CLEC4F: variants seen among roughly 807,000 people sequenced by gnomAD.
The protein encoded by CLEC4F is C-type lectin domain family 4 member F, also known as C-type (calcium dependent, carbohydrate-recognition domain) lectin, superfamily member 13.
Under a neutral mutation model 53.4 loss-of-function variants are expected in CLEC4F, and 45 were observed. The observed-to-expected ratio is 0.84, with a 90% confidence interval of 0.66 to 1.08. The LOEUF is 1.08. CLEC4F is among the 50% of genes least tolerant of loss of function. The pLI is 0.00. For synonymous variants in CLEC4F, 245 were observed against 257.5 expected (o/e 0.95, Z 0.46); for missense variants, 753 against 698.2 (o/e 1.08, Z -0.88).
intron 5 of CLEC4F, among the ~76,000 whole-genome samples, chr2:70,812,135 A>G (rs1676601988): frequency 6.6e-6 from 1 of 152,150 alleles, no homozygotes; most frequent in Non-Finnish European, 1.5e-5. Flanking sequence ...AGAAAAACAA[A>G]TGCAAGAGAA....
chr2:70,812,665 C>G, intron 4 of CLEC4F, 67 bp from the exon 5 acceptor site: 1 of 1,552,242 alleles, frequency 6.4e-7, no homozygotes, highest in Non-Finnish European at 8.8e-7. Flanking sequence ...AGGAACTTTT[C>G]TGACCTCTCT....
chr2:70,811,037 T>C lies in CLEC4F; in HGVS notation c.1540-1180A>G, dbSNP rs10181668. The C allele has an allele frequency of 5.3e-3, 3,367 of 636,364 alleles. 93 individuals are homozygous for C. The African/African-American group carries it at 0.055, about 10-fold the overall frequency. The allele number at this position is 636,364 out of a possible 1,614,324, so 39.4% of individuals were successfully genotyped here. On this transcript the variant is annotated intron_variant, in intron 5 of 6. Transcript: ENST00000272367. ...GTCACTACAGATGATTCCTTTATGC[T>C]AACCCTGCTGGGAAAATATTTATTG...
At chr2:70,819,586 C>T (rs1243342820) in intron 2 of CLEC4F, 142 bp from the exon 3 acceptor site, 8 of 905,656 alleles carry the variant, frequency 8.8e-6, no homozygotes, top group Non-Finnish European at 1.4e-5. Context: ...AACCTCAGTT[C>T]TTGGGAGGCT....
At chr2:70,817,182 A>T (rs966544602) in intron 3 of CLEC4F, 70 bp from the exon 4 acceptor site, 2 of 1,479,530 alleles carry the variant, frequency 1.4e-6, no homozygotes, top group East Asian at 4.6e-5. Flanking sequence ...TGGGCCACCC[A>T]GAGTGTTTCT....
chr2:70,811,841 T>C (rs114449925), intron 5 of CLEC4F, among the ~76,000 whole-genome samples: 1,804 of 152,162 alleles, frequency 0.012, 37 homozygotes, highest in African/African-American at 0.041. Flanking sequence ...GGAGGCCCAC[T>C]TCGGTGAATA....
At position 70,809,753 on chromosome 2, in the gene CLEC4F, G is replaced by A. The variant is rs782361898; in HGVS notation, c.1644C>T (p.Ala548=). ...WRWTDGTPFN[A]AQNKAPGSKG... ...GCTAGACTCACGCTTTGTTCTGGGCGGCGTTGAATGGTGTCCCATCTGTCC... is the reference window on the plus strand; with the variant it reads ...GCTAGACTCACGCTTTGTTCTGGGCAGCGTTGAATGGTGTCCCATCTGTCC... Residue 548 remains alanine (A), a synonymous_variant, in exon 6 of 7, where the codon GCC becomes GCT. Coordinates refer to ENST00000272367, the MANE Select transcript of CLEC4F (RefSeq NM_173535.3). 112 of 1,613,738 alleles carry A rather than the reference G, an allele frequency of 6.9e-5. No homozygotes were observed. The Admixed American group carries it at 1.4e-3, about 20-fold the overall frequency.
chr2:70,808,951 G>A lies in CLEC4F; in HGVS notation c.*320C>T, dbSNP rs150656803. ...CCCTCAGGCCACACCCTGGCCCATGGGCTTCTTGCACACCCACTGATAGGG... is the reference window on the plus strand; with the variant it reads ...CCCTCAGGCCACACCCTGGCCCATGAGCTTCTTGCACACCCACTGATAGGG... On this transcript the variant is annotated 3_prime_UTR_variant, in exon 7 of 7. Transcript: ENST00000272367. 31 of 909,036 alleles carry A rather than the reference G, an allele frequency of 3.4e-5. No individual in the cohort carries two copies. In the Middle Eastern group the frequency reaches 1.9e-3, roughly 54 times the overall value. 56.3% of individuals were successfully genotyped at this position (909,036 alleles called of 1,614,324 possible).
Position 70,809,013 on chromosome 2 carries a change from T to G in CLEC4F, c.*258A>C. ...TCATGTCATTCCACTTCTGCTGAAT[T>G]TGGACACAGTCTTCAGTCTGCCCAT... On this transcript the variant is annotated 3_prime_UTR_variant, in exon 7 of 7. Transcript: ENST00000272367. 7 of 1,411,508 alleles carry G rather than the reference T, an allele frequency of 5.0e-6. No homozygotes were observed. Among genetic ancestry groups the G allele is most frequent in the Non-Finnish European group, 6.8e-6 (7 of 1,034,152 alleles). 87.4% of individuals were successfully genotyped at this position (1,411,508 alleles called of 1,614,324 possible). A position where few individuals can be genotyped will look rare whatever the true frequency, so the allele number is the denominator to read the frequency against.
chr2:70,822,994 A>G (rs1399325075), upstream of CLEC4F, among the ~76,000 whole-genome samples: 1 of 152,222 alleles, frequency 6.6e-6, no homozygotes, highest in African/African-American at 2.4e-5. Flanking sequence ...GCTTTGGCCC[A>G]GGAGGAGCCT....
chr2:70,814,798 T>C (rs1553395366), intron 4 of CLEC4F, among the ~76,000 whole-genome samples: 1 of 145,584 alleles, frequency 6.9e-6, no homozygotes, highest in East Asian at 2.0e-4. Flanking sequence ...TAGATCCACC[T>C]AGGCATTTAA....
In CLEC4F at chr2:70,816,790, C is replaced by A. The variant is rs782222504; in HGVS notation, c.591G>T (p.Thr197=). ...LEKADALTFQ[T]LNFLKSSLEN... Reference sequence around the variant, plus strand: ...CTAAACTGCTTTTTAAGAAATTCAGCGTCTGGAAAGTTAAAGCATCTGCCT... The same window carrying A: ...CTAAACTGCTTTTTAAGAAATTCAGAGTCTGGAAAGTTAAAGCATCTGCCT... The change falls in exon 4 of 7, where the codon ACG becomes ACT. Residue 197 remains threonine (T), a synonymous_variant. Transcript: ENST00000272367. 2.5e-6 allele frequency: 4 copies of A among 1,614,048 alleles called. No individual in the cohort carries two copies. The highest frequency in any genetic ancestry group is 3.4e-6 in the Non-Finnish European group (4 of 1,180,018).
chr2:70,824,792 G>C (rs1447329235), upstream of CLEC4F, among the ~76,000 whole-genome samples: 1 of 152,154 alleles, frequency 6.6e-6, no homozygotes, highest in Admixed American at 6.5e-5. Context: ...ATATCTGTGA[G>C]TCCATACTGA....
chr2:70,818,272 C>T (rs1677039533), intron 3 of CLEC4F, among the ~76,000 whole-genome samples: 1 of 152,124 alleles, frequency 6.6e-6, no homozygotes, highest in Non-Finnish European at 1.5e-5. Flanking sequence ...GAAGTAGACC[C>T]CCACACATAT....
intron 4 of CLEC4F, among the ~76,000 whole-genome samples, 176 bp downstream of exon 4, chr2:70,815,818 A>C (rs1225759665): frequency 2.0e-5 from 3 of 152,140 alleles, no homozygotes; most frequent in Admixed American, 6.5e-5. Context: ...GCAACTTGAG[A>C]GCAGGAACTT....
chr2:70,819,074 C>T (rs1553397138), intron 3 of CLEC4F, among the ~76,000 whole-genome samples: 1 of 152,038 alleles, frequency 6.6e-6, no homozygotes, highest in African/African-American at 2.4e-5. Context: ...TTACAAAGAG[C>T]CACAAGGAAA....
At chr2:70,812,386 C>T in intron 5 of CLEC4F, 61 bp downstream of exon 5, 1 of 1,588,736 alleles carries the variant, frequency 6.3e-7, no homozygotes, top group South Asian at 1.1e-5. Flanking sequence ...AAGGCCAAAA[C>T]ACCAAAGTCC....
At chr2:70,820,378 G>A in intron 1 of CLEC4F, 85 bp downstream of exon 1, 1 of 1,242,924 alleles carries the variant, frequency 8.0e-7, no homozygotes, top group African/African-American at 1.5e-5. Context: ...CAATAAGACA[G>A]CAATAAGCTG....
chr2:70,814,783 G>A (rs568882371), intron 4 of CLEC4F, among the ~76,000 whole-genome samples: 5 of 150,274 alleles, frequency 3.3e-5, no homozygotes, highest in African/African-American at 1.2e-4. Context: ...CAGCCCAGAT[G>A]CCAGTAGATC....
intron 5 of CLEC4F, among the ~76,000 whole-genome samples, chr2:70,811,970 T>C (rs10184940): frequency 0.93 from 141,208 of 152,212 alleles, 65,805 homozygotes; most frequent in Non-Finnish European, 0.97. Context: ...CACAGCTACT[T>C]GGGGAGCTGA....
Sources: allele counts gnomAD v4.1 joint callset (sites outside exome capture counted in the v4.1 genomes callset), GRCh38; gene constraint gnomAD v4.1.1; transcripts MANE v1.5; gene names NCBI Gene and HGNC (gene_info 2026-07-23, HGNC 2026-07-21).